ITGA4: variants seen among roughly 807,000 people sequenced by gnomAD.
The protein encoded by ITGA4 is integrin subunit alpha 4.
ITGA4 carries 63 observed loss-of-function variants against 133.6 expected under a neutral mutation model. That is an observed-to-expected ratio of 0.47 (90% CI 0.38 to 0.58). The LOEUF (loss-of-function observed/expected upper bound fraction) is 0.58, where lower values mean the gene tolerates loss of function less well. ITGA4 is among the 20% of genes least tolerant of loss of function. ITGA4 has a pLI of 0.00. For missense variants in ITGA4, 1,076 were observed against 1,252.7 expected (o/e 0.86, Z 2.13); for synonymous variants, 483 against 438.0 (o/e 1.10, Z -1.28).
At chr2:181,468,098 C>T (rs931105874) in intron 2 of ITGA4, among the ~76,000 whole-genome samples, 1 of 152,192 alleles carries the variant, frequency 6.6e-6, no homozygotes, top group Non-Finnish European at 1.5e-5. Flanking sequence ...CATCCAAGCA[C>T]GTCACACATA....
In ITGA4 at chr2:181,536,461, G is replaced by C. The variant is rs1394664190; in HGVS notation, c.*934G>C. 6.6e-6 allele frequency among the ~76,000 whole-genome samples: 1 copy of C among 151,904 alleles called. No individual in the cohort carries two copies. The highest frequency in any genetic ancestry group is 1.9e-4 in the East Asian group (1 of 5,190). ...ATCAAAGCTGTGCAAAGACTAGGGGGCCTATACTTCATATGTATTATGTAC... is the reference window on the plus strand; with the variant it reads ...ATCAAAGCTGTGCAAAGACTAGGGGCCCTATACTTCATATGTATTATGTAC... On this transcript the variant is annotated 3_prime_UTR_variant, in exon 28 of 28. Coordinates refer to ENST00000397033, the MANE Select transcript of ITGA4 (RefSeq NM_000885.6).
chr2:181,535,015 A>T (rs997008846), intron 27 of ITGA4, 80 bp downstream of exon 27: 1 of 1,418,182 alleles, frequency 7.1e-7, no homozygotes, highest in Non-Finnish European at 9.4e-7. Flanking sequence ...AAGTTATTAG[A>T]TTTAAATATT....
At chr2:181,466,803 T>G (rs971767186) in intron 2 of ITGA4, among the ~76,000 whole-genome samples, 1 of 152,148 alleles carries the variant, frequency 6.6e-6, no homozygotes, top group South Asian at 2.1e-4. Context: ...AGACTGCTGA[T>G]CAATTCTTGC....
intron 2 of ITGA4, among the ~76,000 whole-genome samples, chr2:181,471,910 A>C (rs1196309026): frequency 1.3e-5 from 2 of 152,230 alleles, no homozygotes; most frequent in Non-Finnish European, 2.9e-5. Context: ...GAAGGGCATG[A>C]GCCACACTGG....
Position 181,537,312 on chromosome 2 carries a change from A to AGTGAAAGCAGAGTACTAT in ITGA4, c.*1787_*1804dup, listed in dbSNP as rs1687185137. Reference sequence around the variant, plus strand: ...TATATATTTCAGGTTATCTGAGCACAGTGAAAGCAGAGTACTATGGTTGTC... The same window carrying AGTGAAAGCAGAGTACTAT: ...TATATATTTCAGGTTATCTGAGCACAGTGAAAGCAGAGTACTATGTGAAAGCAGAGTACTATGGTTGTC... On this transcript the variant is annotated 3_prime_UTR_variant, in exon 28 of 28. Transcript: ENST00000397033. 1 of 453,858 alleles carries AGTGAAAGCAGAGTACTAT rather than the reference A, an allele frequency of 2.2e-6. No individual in the cohort carries two copies. Among genetic ancestry groups the AGTGAAAGCAGAGTACTAT allele is most frequent in the Non-Finnish European group, 4.4e-6 (1 of 226,726 alleles). The allele number at this position is 453,858 out of a possible 1,614,324, so 28.1% of individuals were successfully genotyped here.
chr2:181,486,157 T>G, intron 10 of ITGA4, 165 bp downstream of exon 10: 1 of 755,306 alleles, frequency 1.3e-6, no homozygotes, highest in East Asian at 3.2e-5. Flanking sequence ...TTCTCCTCAA[T>G]TGTCACCCAT....
chr2:181,458,938 C>T (rs12988934), intron 2 of ITGA4: 9,695 of 152,368 alleles, frequency 0.064, 640 homozygotes, highest in East Asian at 0.28. Flanking sequence ...CTCAATGTCT[C>T]AGATTTGTGA....
intron 10 of ITGA4, 46 bp downstream of exon 10, chr2:181,486,038 G>T: frequency 1.9e-6 from 3 of 1,539,184 alleles, no homozygotes; most frequent in Non-Finnish European, 1.7e-6. Flanking sequence ...CTTTTAAAAT[G>T]GTTTATGGAA....
intron 24 of ITGA4, 131 bp downstream of exon 24, chr2:181,530,780 G>A (rs1173779740): frequency 1.8e-5 from 14 of 783,794 alleles, no homozygotes; most frequent in African/African-American, 1.2e-4. Context: ...GTATTCTTGC[G>A]TGGAAGGAAC....
At chr2:181,469,764 A>G (rs933779581) in intron 2 of ITGA4, among the ~76,000 whole-genome samples, 4 of 152,206 alleles carry the variant, frequency 2.6e-5, no homozygotes, top group African/African-American at 9.7e-5. Flanking sequence ...TGTCCTTTGT[A>G]GGGACATGGA....
intron 16 of ITGA4, 109 bp from the exon 17 acceptor site, chr2:181,511,589 TG>T (rs1686506362): frequency 1.7e-6 from 1 of 596,010 alleles, no homozygotes; most frequent in Non-Finnish European, 3.0e-6. Context: ...GTCAATTTGA[TG>T]TATCAATTTT....
chr2:181,524,428 C>T (rs1686791413), intron 20 of ITGA4, 178 bp downstream of exon 20: 1 of 497,774 alleles, frequency 2.0e-6, no homozygotes, highest in African/African-American at 2.0e-5. Flanking sequence ...AATGTTTTAG[C>T]TCTTGAGCTA....
In ITGA4 at chr2:181,516,908, C is replaced by T. The variant is rs570775938; in HGVS notation, c.1922+5133C>T. 6.6e-6 allele frequency among the ~76,000 whole-genome samples: 1 copy of T among 152,148 alleles called. No homozygotes were observed. Among genetic ancestry groups the T allele is most frequent in the East Asian group, 1.9e-4 (1 of 5,160 alleles). ...GGAAATAGTACGAATATTTGGCTCA[C>T]TGACAGCATAAAGTTTTGGGAGAAT... On this transcript the variant is annotated intron_variant, in intron 17 of 27. Coordinates refer to ENST00000397033, the MANE Select transcript of ITGA4 (RefSeq NM_000885.6). The surrounding 1 kb of genome is among the most constrained non-coding windows in gnomAD (Gnocchi z 4.0).
In ITGA4 at chr2:181,534,820, T is replaced by C. The variant is rs749457293; in HGVS notation, c.2888T>C (p.Leu963Pro). 5.0e-6 allele frequency: 8 copies of C among 1,587,440 alleles called. No individual in the cohort carries two copies. The highest frequency in any genetic ancestry group is 6.0e-6 in the Non-Finnish European group (7 of 1,172,222). The change falls in exon 27 of 28, where the codon CTA becomes CCA. Residue 963 changes from leucine (L) to proline (P), a missense_variant. By Grantham distance (98) the Leu-to-Pro change is moderately conservative. Around this residue, in one of 4 missense-constraint regions of ITGA4, gnomAD observed 193 missense variants for 172.3 expected, o/e 1.12. Transcript: ENST00000397033. ...TATTTTTCTTAACTCACGTAGGTTC[T>C]ACTGGAAGGACTACATCATCAAAGA... ...LNKDENVAHV[L>P]LEGLHHQRPK...
intron 17 of ITGA4, among the ~76,000 whole-genome samples, chr2:181,521,399 A>G (rs1194829200): frequency 1.3e-5 from 2 of 152,178 alleles, no homozygotes; most frequent in African/African-American, 2.4e-5. Context: ...AAAATATTTT[A>G]AGGACTTTAT....
In ITGA4 at chr2:181,536,994, AGGCCTGCAGTGATGGTGAGGAAT is replaced by A. The variant is rs1398396983; in HGVS notation, c.*1469_*1491del. The A allele has an allele frequency of 1.6e-5, 7 of 449,428 alleles. No individual in the cohort carries two copies. Among genetic ancestry groups the A allele is most frequent in the Non-Finnish European group, 3.1e-5 (7 of 224,970 alleles). The allele number at this position is 449,428 out of a possible 1,614,324, so 27.8% of individuals were successfully genotyped here. A position where few individuals can be genotyped will look rare whatever the true frequency, so the allele number is the denominator to read the frequency against. ...TAATTGATGAAAGTTATCTGTTCAC[AGGCCTGCAGTGATGGTGAGGAAT>A]GTTCTGAGATTTGCGAAGGCATTTG... On this transcript the variant is annotated 3_prime_UTR_variant, in exon 28 of 28. Transcript: ENST00000397033.
At chr2:181,505,366 A>G (rs996502310) in intron 15 of ITGA4, among the ~76,000 whole-genome samples, 4 of 152,040 alleles carry the variant, frequency 2.6e-5, no homozygotes, top group African/African-American at 9.7e-5. Flanking sequence ...TCAGCTCTCA[A>G]GTTGGCCAGA....
chr2:181,466,647 T>TGG (rs1685423606), intron 2 of ITGA4, among the ~76,000 whole-genome samples: 1 of 152,176 alleles, frequency 6.6e-6, no homozygotes, highest in African/African-American at 2.4e-5. Context: ...TTTAGAAACA[T>TGG]TGCCACCAGG....
chr2:181,475,739 A>G, intron 4 of ITGA4: 1 of 1,515,046 alleles, frequency 6.6e-7, no homozygotes, highest in Non-Finnish European at 8.9e-7. Context: ...TCTTTTTCTA[A>G]TTTACATGTT....
Sources: gnomAD v4.1 joint callset for allele counts (sites outside exome capture counted in the v4.1 genomes callset) on GRCh38, gnomAD v4.1.1 for gene constraint, gnomAD v4.1.1 regional missense constraint, Gnocchi (gnomAD v3.1) non-coding constraint, MANE v1.5 for transcripts, NCBI Gene and HGNC (gene_info 2026-07-23, HGNC 2026-07-21) for gene names.